MECOM: variants seen among roughly 807,000 people sequenced by gnomAD.
MECOM encodes the protein histone-lysine N-methyltransferase MECOM.
A neutral mutation model predicts 116.3 loss-of-function variants in MECOM; 13 were observed. The ratio of observed to expected loss-of-function variants is 0.11; its 90% CI spans 0.07 to 0.18. The LOEUF (loss-of-function observed/expected upper bound fraction) is 0.18, where lower values mean the gene tolerates loss of function less well. Among genes scored for constraint, MECOM ranks in the 10% least tolerant of loss-of-function variants. The pLI is 1.00. For missense variants in MECOM, 1,299 were observed against 1,509.0 expected (o/e 0.86, Z 2.31); for synonymous variants, 528 against 535.2 (o/e 0.99, Z 0.19).
chr3:169,250,450 A>C (rs1297070592), intron 2 of MECOM, among the ~76,000 whole-genome samples: 1 of 152,226 alleles, frequency 6.6e-6, no homozygotes, highest in Non-Finnish European at 1.5e-5. Context: ...CAAAATGTAG[A>C]AACAAAAGGC....
At chr3:169,488,805 G>A (rs147261306) in intron 1 of MECOM, among the ~76,000 whole-genome samples, 2 of 151,774 alleles carry the variant, frequency 1.3e-5, no homozygotes, top group African/African-American at 4.8e-5. Flanking sequence ...CTTGTGAAAA[G>A]CAGCTAAACC....
At chr3:169,544,433 C>T (rs1482086397) in intron 1 of MECOM, among the ~76,000 whole-genome samples, 1 of 152,276 alleles carries the variant, frequency 6.6e-6, no homozygotes, top group East Asian at 1.9e-4. Flanking sequence ...TTTGAGGAAT[C>T]GCCACACTGC....
At chr3:169,266,424 G>A (rs1195834069) in intron 2 of MECOM, among the ~76,000 whole-genome samples, 2 of 152,130 alleles carry the variant, frequency 1.3e-5, no homozygotes, top group Non-Finnish European at 2.9e-5. Context: ...AACGTACAGG[G>A]CAAAATAAGC....
At chr3:169,649,648 A>G (rs962936395) in intron 1 of MECOM, among the ~76,000 whole-genome samples, 5 of 152,172 alleles carry the variant, frequency 3.3e-5, no homozygotes, top group African/African-American at 1.2e-4. Context: ...CTTGATAACT[A>G]TTCATTAATT....
At chr3:169,209,350 C>A (rs1750396515) in intron 2 of MECOM, among the ~76,000 whole-genome samples, 1 of 152,108 alleles carries the variant, frequency 6.6e-6, no homozygotes, top group Non-Finnish European at 1.5e-5. Context: ...CCAAAATTGA[C>A]AAATGGGATC....
At chr3:169,195,943 C>T (rs980444804) in intron 2 of MECOM, among the ~76,000 whole-genome samples, 4 of 152,054 alleles carry the variant, frequency 2.6e-5, no homozygotes, top group Non-Finnish European at 5.9e-5. Context: ...GAAGGAAATG[C>T]TCCATTAATC....
At chr3:169,324,904 C>T (rs1440095978) in intron 2 of MECOM, among the ~76,000 whole-genome samples, 1 of 152,150 alleles carries the variant, frequency 6.6e-6, no homozygotes, top group Non-Finnish European at 1.5e-5. Flanking sequence ...CTGCCAACTC[C>T]CTCATCTCAG....
intron 2 of MECOM, among the ~76,000 whole-genome samples, chr3:169,235,207 T>C (rs965645543): frequency 4.6e-5 from 7 of 152,204 alleles, no homozygotes; most frequent in African/African-American, 1.7e-4. Flanking sequence ...ACCATTCTAA[T>C]GTGCTCTATG....
chr3:169,116,682 A>G lies in MECOM; in HGVS notation c.1190T>C (p.Met397Thr). ...GATTTGGGTTCTGCAATCAGCATGCATGCGCTTATGACGGCAAAGGTTTGA... is the reference window on the plus strand; with the variant it reads ...GATTTGGGTTCTGCAATCAGCATGCGTGCGCTTATGACGGCAAAGGTTTGA... ...QFSNLCRHKRMHADCRTQIKC... is the reference protein window; with the variant it reads ...QFSNLCRHKRTHADCRTQIKC... The change falls in exon 8 of 17, where the codon ATG (methionine) becomes ACG (threonine). Residue 397 changes from methionine (M) to threonine (T), a missense_variant. Met to Thr is a moderately conservative substitution (Grantham distance 81). Coordinates refer to ENST00000651503, the MANE Select transcript of MECOM (RefSeq NM_004991.4). 6.2e-7 allele frequency: 1 copy of G among 1,614,130 alleles called. No homozygotes were observed. Among genetic ancestry groups the G allele is most frequent in the Non-Finnish European group, 8.5e-7 (1 of 1,179,984 alleles).
In MECOM at chr3:169,322,997, TAAAAAAAA is replaced by T. The variant is rs748984561; in HGVS notation, c.375+58182_375+58189del. ...CCTGCATGACAGAGCAAGACTCCGG[TAAAAAAAA>T]AAAAAAAAAAAAAAAAAAAAAGCAG... On this transcript the variant is annotated intron_variant, in intron 2 of 16. Transcript: ENST00000651503. Among the ~76,000 whole-genome samples the T allele has an allele frequency of 2.1e-4, 12 of 56,050 alleles. No individual in the cohort carries two copies. The South Asian group carries it at 5.1e-3, about 24-fold the overall frequency. The allele number at this position is 56,050 out of a possible 152,430, so 36.8% of individuals were successfully genotyped here. A position where few individuals can be genotyped will look rare whatever the true frequency, so the allele number is the denominator to read the frequency against.
At chr3:169,225,691 C>T (rs1752642679) in intron 2 of MECOM, among the ~76,000 whole-genome samples, 1 of 152,204 alleles carries the variant, frequency 6.6e-6, no homozygotes, top group Admixed American at 6.5e-5. Context: ...CTCACCGCAA[C>T]CTGTGCCTCC....
intron 2 of MECOM, among the ~76,000 whole-genome samples, chr3:169,172,416 T>C (rs1202205979): frequency 1.3e-5 from 2 of 151,114 alleles, no homozygotes; most frequent in Admixed American, 6.6e-5. Flanking sequence ...TATGTGTGTG[T>C]GTGTGTGTGT....
intron 2 of MECOM, among the ~76,000 whole-genome samples, chr3:169,174,193 T>C (rs1161429555): frequency 1.3e-5 from 2 of 152,214 alleles, no homozygotes; most frequent in Admixed American, 1.3e-4. Context: ...TTTTTAAATG[T>C]ATCTATTCAT....
chr3:169,163,988 C>T (rs1229617212), intron 2 of MECOM, among the ~76,000 whole-genome samples: 1 of 152,116 alleles, frequency 6.6e-6, no homozygotes, highest in African/African-American at 2.4e-5. Flanking sequence ...ATGATTTTGC[C>T]AAGGCTCAAT....
chr3:169,527,862 C>T (rs909755757), intron 1 of MECOM, among the ~76,000 whole-genome samples: 8 of 152,218 alleles, frequency 5.3e-5, no homozygotes, highest in African/African-American at 1.9e-4. Flanking sequence ...CAGCTTCACT[C>T]CACCACTGTG....
At chr3:169,592,293 C>A (rs1178562999) in intron 1 of MECOM, among the ~76,000 whole-genome samples, 2 of 152,226 alleles carry the variant, frequency 1.3e-5, no homozygotes, top group African/African-American at 4.8e-5. Context: ...GTCCACAACT[C>A]CTAAAGACGG....
intron 2 of MECOM, among the ~76,000 whole-genome samples, chr3:169,374,834 A>T (rs746683761): frequency 1.1e-4 from 17 of 151,844 alleles, no homozygotes; most frequent in Middle Eastern, 3.2e-3. Context: ...GGAGTTTGAG[A>T]CCAGCCTGGG....
At chr3:169,088,401 A>G (rs977851351) in intron 16 of MECOM, among the ~76,000 whole-genome samples, 1 of 152,194 alleles carries the variant, frequency 6.6e-6, no homozygotes, top group Non-Finnish European at 1.5e-5. Context: ...AGCCTAATAA[A>G]TTTGAGTACC....
intron 10 of MECOM, among the ~76,000 whole-genome samples, chr3:169,102,487 T>C (rs575876539): frequency 6.6e-6 from 1 of 152,338 alleles, no homozygotes; most frequent in East Asian, 1.9e-4. Context: ...TAATCTGATA[T>C]ATAATTGAAC....
Sources: gnomAD v4.1 joint callset for allele counts (sites outside exome capture counted in the v4.1 genomes callset) on GRCh38, gnomAD v4.1.1 for gene constraint, MANE v1.5 for transcripts, NCBI Gene and HGNC (gene_info 2026-07-23, HGNC 2026-07-21) for gene names.